The following TENM1 variants were observed in gnomAD, a reference collection of about 807,000 sequenced individuals.
TENM1 encodes teneurin transmembrane protein 1.
Under a neutral mutation model 174.8 loss-of-function variants are expected in TENM1, and 35 were observed. That is an observed-to-expected ratio of 0.20 (90% CI 0.15 to 0.27). The LOEUF (loss-of-function observed/expected upper bound fraction) is 0.27, where lower values mean the gene tolerates loss of function less well. Ranked by LOEUF, TENM1 falls within the 10% of genes least tolerant of loss-of-function variation. The pLI is 1.00. For synonymous variants in TENM1, 781 were observed against 798.7 expected (o/e 0.98, Z 0.37); for missense variants, 1,633 against 2,130.1 (o/e 0.77, Z 4.59).
chrX:124,848,080 A>T (rs1603244257), intron 3 of TENM1, among the ~76,000 whole-genome samples: 1 of 110,888 alleles, frequency 9.0e-6, no homozygotes, highest in Admixed American at 9.6e-5. Context: ...TTGAGTTAAT[A>T]ACACGCATTA....
At chrX:124,622,788 A>G (rs766752366) in intron 11 of TENM1, among the ~76,000 whole-genome samples, 70 of 111,859 alleles carry the variant, frequency 6.3e-4, no homozygotes, top group Non-Finnish European at 8.5e-4. Flanking sequence ...AAAATGCATC[A>G]TTCTAATGAT....
At chrX:124,605,773 C>T (rs1485132802) in intron 11 of TENM1, among the ~76,000 whole-genome samples, 1 of 111,580 alleles carries the variant, frequency 9.0e-6, no homozygotes, top group Non-Finnish European at 1.9e-5. Context: ...TGTTGCGCAT[C>T]ATTAATAAAT....
chrX:124,582,630 AT>A (rs1343146262), intron 11 of TENM1, among the ~76,000 whole-genome samples: 1 of 111,899 alleles, frequency 8.9e-6, no homozygotes, highest in Non-Finnish European at 1.9e-5. Context: ...TGATTTCTGC[AT>A]TTCCATCTGA....
At chrX:124,470,707 G>A (rs2061289853) in intron 22 of TENM1, among the ~76,000 whole-genome samples, 1 of 110,246 alleles carries the variant, frequency 9.1e-6, no homozygotes, top group Non-Finnish European at 1.9e-5. Flanking sequence ...TTCCATTTAG[G>A]TTTCTTCCTT....
At chrX:124,705,827 T>G (rs1317642006) in intron 4 of TENM1, among the ~76,000 whole-genome samples, 1 of 112,407 alleles carries the variant, frequency 8.9e-6, no homozygotes, top group Non-Finnish European at 1.9e-5. Flanking sequence ...CACATACTTA[T>G]TCATTTCTCC....
chrX:124,951,673 T>TATATATATATA (rs767583231), intron 1 of TENM1, among the ~76,000 whole-genome samples: 3 of 66,047 alleles, frequency 4.5e-5, no homozygotes, highest in Non-Finnish European at 8.4e-5. Flanking sequence ...TATATATATA[T>TATATATATATA]AACAATCAAT....
At chrX:124,905,161 T>TA (rs371980282) in intron 1 of TENM1, among the ~76,000 whole-genome samples, 19 of 107,011 alleles carry the variant, frequency 1.8e-4, no homozygotes, top group East Asian at 2.9e-4. Context: ...CTGTCTCAAT[T>TA]AAAAAAAAAA....
chrX:124,781,888 T>C (rs1415653619), intron 3 of TENM1, among the ~76,000 whole-genome samples: 4 of 111,868 alleles, frequency 3.6e-5, no homozygotes, highest in African/African-American at 1.3e-4. Context: ...GACCACCAAG[T>C]TGTTCACTAC....
chrX:124,776,333 T>C (rs1427974340), intron 3 of TENM1, among the ~76,000 whole-genome samples: 4 of 111,663 alleles, frequency 3.6e-5, no homozygotes, highest in African/African-American at 1.3e-4. Context: ...TAAATAAGCA[T>C]TGAATGTGGA....
the TENM1 span, among the ~76,000 whole-genome samples, chrX:125,158,939 C>CA: frequency 7.4e-4 from 74 of 99,580 alleles, no homozygotes; most frequent in South Asian, 1.8e-3. Flanking sequence ...TGTCTGATAA[C>CA]AAAAAAAAAA....
the TENM1 span, among the ~76,000 whole-genome samples, chrX:125,139,913 TAG>T: frequency 3.0e-5 from 3 of 99,682 alleles, no homozygotes; most frequent in South Asian, 4.6e-4. Context: ...GAGAGAGAAG[TAG>T]AGAGAGAGTA....
At chrX:124,381,873 C>G (rs1371650285) in intron 31 of TENM1, among the ~76,000 whole-genome samples, 6 of 111,367 alleles carry the variant, frequency 5.4e-5, no homozygotes, top group African/African-American at 2.0e-4. Context: ...TATGAAGCTT[C>G]AGCAATTTTC....
the TENM1 span, among the ~76,000 whole-genome samples, chrX:125,200,652 T>TGAGAGAGAGAGAGAGAGA: frequency 1.2e-5 from 1 of 81,341 alleles, no homozygotes; most frequent in African/African-American, 5.6e-5. Context: ...TGTGTGTGTG[T>TGAGAGAGAGAGAGAGAGA]GTGAGAGAGA....
chrX:125,085,922 C>T, the TENM1 span, among the ~76,000 whole-genome samples: 3 of 110,441 alleles, frequency 2.7e-5, no homozygotes, highest in Non-Finnish European at 3.8e-5. Flanking sequence ...AATACTTTCT[C>T]ACCATCAAAG....
chrX:124,427,905 C>T (rs2060736008), intron 23 of TENM1, among the ~76,000 whole-genome samples: 1 of 108,338 alleles, frequency 9.2e-6, no homozygotes, highest in Non-Finnish European at 1.9e-5. Flanking sequence ...TTGCTGCTAC[C>T]ATTTGTCCAA....
intron 11 of TENM1, among the ~76,000 whole-genome samples, chrX:124,583,093 C>A (rs1315942162): frequency 8.9e-6 from 1 of 112,163 alleles, no homozygotes; most frequent in Non-Finnish European, 1.9e-5. Context: ...GTAGGCTCCA[C>A]CTCTGGGGGC....
exon 22 of TENM1, chrX:124,481,737 G>A: frequency 1.1e-6 from 1 of 905,370 alleles, no homozygotes; most frequent in Non-Finnish European, 1.6e-6. Context: ...TTTACCTCGA[G>A]GGCTATTCAG....
the TENM1 span, among the ~76,000 whole-genome samples, chrX:125,133,925 T>C: frequency 9.0e-6 from 1 of 111,711 alleles, no homozygotes; most frequent in Non-Finnish European, 1.9e-5. Context: ...CCCTTAGGGA[T>C]GAAAAGATTG....
intron 14 of TENM1, among the ~76,000 whole-genome samples, chrX:124,559,579 G>A (rs1019396218): frequency 1.8e-5 from 2 of 110,330 alleles, no homozygotes; most frequent in African/African-American, 6.6e-5. Context: ...AAGGCAGAAG[G>A]ATTACCTGAG....
Sources: allele counts gnomAD v4.1 joint callset (sites outside exome capture counted in the v4.1 genomes callset), GRCh38; gene constraint gnomAD v4.1.1; transcripts MANE v1.5; gene names NCBI Gene and HGNC (gene_info 2026-07-23, HGNC 2026-07-21).